Variants in DOCK1 observed in about 807,000 individuals in gnomAD.
The protein encoded by DOCK1 is dedicator of cytokinesis protein 1.
Under a neutral mutation model 262.7 loss-of-function variants are expected in DOCK1, and 138 were observed. The ratio of observed to expected loss-of-function variants is 0.53; its 90% CI spans 0.46 to 0.61. DOCK1 has a LOEUF of 0.61. DOCK1 is among the 20% of genes least tolerant of loss of function. The pLI is 0.00. For synonymous variants in DOCK1, 866 were observed against 867.4 expected, an observed-to-expected ratio of 1.00 and a Z score of 0.03; for missense variants, 1,908 against 2,370.7, an observed-to-expected ratio of 0.80 and a Z score of 4.05.
At chr10:126,926,203 C>G (rs2033707176) in intron 1 of DOCK1, among the ~76,000 whole-genome samples, 1 of 151,892 alleles carries the variant, frequency 6.6e-6, no homozygotes, top group African/African-American at 2.4e-5. Context: ...GAAAATTGAT[C>G]CGGTGACAGA....
At chr10:127,134,593 C>G (rs550521047) in intron 27 of DOCK1, among the ~76,000 whole-genome samples, 54 of 152,238 alleles carry the variant, frequency 3.5e-4, no homozygotes, top group African/African-American at 1.3e-3. Flanking sequence ...ATCTGGGTGT[C>G]TGTAGAACAG....
chr10:127,154,868 G>A (rs1277637765), intron 27 of DOCK1, among the ~76,000 whole-genome samples: 2 of 152,208 alleles, frequency 1.3e-5, no homozygotes, highest in Non-Finnish European at 2.9e-5. Flanking sequence ...CCAGGCTGGA[G>A]TTGCCTTGGC....
At chr10:127,024,387 C>T (rs1293756172) in intron 14 of DOCK1, among the ~76,000 whole-genome samples, 1 of 152,168 alleles carries the variant, frequency 6.6e-6, no homozygotes, top group East Asian at 1.9e-4. Context: ...ACGGATCAGG[C>T]AACTTCCTGC....
chr10:127,320,483 C>T (rs528512783), intron 29 of DOCK1, among the ~76,000 whole-genome samples: 4 of 152,152 alleles, frequency 2.6e-5, no homozygotes, highest in South Asian at 2.1e-4. Context: ...AATCAGACAC[C>T]GTGCACCAGG....
At chr10:127,002,090 C>A (rs1224936668) in intron 10 of DOCK1, among the ~76,000 whole-genome samples, 1 of 152,222 alleles carries the variant, frequency 6.6e-6, no homozygotes, top group Non-Finnish European at 1.5e-5. Context: ...GCATCTTTTA[C>A]ATGTAATCTA....
chr10:127,314,425 G>A (rs1564985331), intron 29 of DOCK1, among the ~76,000 whole-genome samples: 1 of 152,214 alleles, frequency 6.6e-6, no homozygotes. Flanking sequence ...GCCTCCAGAT[G>A]AGCATCCCAT....
At chr10:126,930,836 G>C (rs1372085140) in intron 1 of DOCK1, among the ~76,000 whole-genome samples, 1 of 152,204 alleles carries the variant, frequency 6.6e-6, no homozygotes, top group Non-Finnish European at 1.5e-5. Flanking sequence ...GTTTTCTCTA[G>C]GTGAGTACCC....
intron 23 of DOCK1, among the ~76,000 whole-genome samples, chr10:127,081,185 G>T (rs948777560): frequency 1.3e-5 from 2 of 152,058 alleles, no homozygotes; most frequent in African/African-American, 4.8e-5. Context: ...GACTGCTGGC[G>T]GTTTTACTTC....
At chr10:127,107,976 A>G (rs1371945204) in intron 24 of DOCK1, among the ~76,000 whole-genome samples, 1 of 152,146 alleles carries the variant, frequency 6.6e-6, no homozygotes, top group Admixed American at 6.5e-5. Context: ...GGAGGGTATC[A>G]TTGACGCTCA....
At chr10:126,910,460 C>G (rs572248701) in intron 1 of DOCK1, among the ~76,000 whole-genome samples, 3 of 152,358 alleles carry the variant, frequency 2.0e-5, no homozygotes, top group Admixed American at 6.5e-5. Context: ...ACGCTGTTCC[C>G]ACCCTCCTTC....
chr10:126,957,548 C>T (rs1158636267), intron 1 of DOCK1, among the ~76,000 whole-genome samples: 4 of 152,070 alleles, frequency 2.6e-5, no homozygotes, highest in Non-Finnish European at 5.9e-5. Flanking sequence ...TGCAGTGGCA[C>T]GGTCATAGCT....
intron 38 of DOCK1, among the ~76,000 whole-genome samples, chr10:127,399,337 A>G (rs1228786562): frequency 1.3e-5 from 2 of 152,166 alleles, no homozygotes; most frequent in Non-Finnish European, 2.9e-5. Flanking sequence ...TCTAGATCAT[A>G]TTGAATCTGC....
At chr10:127,083,001 T>G (rs1422080296) in intron 23 of DOCK1, among the ~76,000 whole-genome samples, 1 of 152,194 alleles carries the variant, frequency 6.6e-6, no homozygotes, top group African/African-American at 2.4e-5. Context: ...CAGCCTTCTA[T>G]ATCCACTGCA....
intron 27 of DOCK1, among the ~76,000 whole-genome samples, chr10:127,170,628 C>G (rs2054485534): frequency 1.3e-5 from 2 of 152,188 alleles, no homozygotes; most frequent in African/African-American, 4.8e-5. Flanking sequence ...CCCAATGAGC[C>G]ACCAAGACCT....
chr10:127,129,061 G>A (rs553130539), intron 27 of DOCK1, among the ~76,000 whole-genome samples: 30 of 152,206 alleles, frequency 2.0e-4, no homozygotes, highest in African/African-American at 5.8e-4. Flanking sequence ...GGTGATGTGC[G>A]TCTTCTTGGA....
chr10:127,444,342 G>A (rs1056800196), intron 50 of DOCK1, 63 bp downstream of exon 50: 1 of 1,514,174 alleles, frequency 6.6e-7, no homozygotes, highest in East Asian at 2.3e-5. Flanking sequence ...CTCACTGAAG[G>A]CTCTGAGGTT....
intron 27 of DOCK1, among the ~76,000 whole-genome samples, chr10:127,247,024 A>C (rs185728602): frequency 7.2e-5 from 11 of 152,350 alleles, no homozygotes; most frequent in Non-Finnish European, 1.3e-4. Context: ...AGGCTTTACA[A>C]TGTTGTTAGC....
chr10:127,026,609 T>C, intron 16 of DOCK1, 185 bp downstream of exon 16: 1 of 629,012 alleles, frequency 1.6e-6, no homozygotes, highest in South Asian at 1.9e-5. Context: ...GGAGGAGATC[T>C]TAATTTCCTT....
chr10:127,294,224 T>A (rs2061432693), intron 29 of DOCK1, among the ~76,000 whole-genome samples: 1 of 152,220 alleles, frequency 6.6e-6, no homozygotes, highest in Admixed American at 6.5e-5. Context: ...CAGATTTTAT[T>A]TACCAGTTGA....
Sources: allele counts gnomAD v4.1 joint callset (sites outside exome capture counted in the v4.1 genomes callset), GRCh38; gene constraint gnomAD v4.1.1; transcripts MANE v1.5; gene names NCBI Gene and HGNC (gene_info 2026-07-23, HGNC 2026-07-21).